Variants in AKAP9 observed in about 807,000 individuals in gnomAD.
The protein encoded by AKAP9 is A-kinase anchor protein 9.
AKAP9 carries 311 observed loss-of-function variants against 488.5 expected under a neutral mutation model. The ratio of observed to expected loss-of-function variants is 0.64; its 90% CI spans 0.58 to 0.70. The LOEUF (loss-of-function observed/expected upper bound fraction) is 0.70, where lower values mean the gene tolerates loss of function less well. AKAP9 is among the 30% of genes least tolerant of loss of function. The pLI is 0.00. For missense variants in AKAP9, 4,215 were observed against 4,374.5 expected, an observed-to-expected ratio of 0.96 and a Z score of 1.03; for synonymous variants, 1,462 against 1,483.5, an observed-to-expected ratio of 0.99 and a Z score of 0.33.
At position 91,941,037 on chromosome 7, in the gene AKAP9, C is replaced by G; in HGVS notation, c.-63C>G. On this transcript the variant is annotated 5_prime_UTR_variant, in exon 1 of 50. Transcript: ENST00000356239. ...CCGTCCCACCTCCGTCCAAATCGAC[C>G]TTTCCTTTCTATCCCCAACCACCCC... 1.3e-6 allele frequency: 2 copies of G among 1,536,962 alleles called. No homozygotes were observed. The highest frequency in any genetic ancestry group is 1.4e-5 in the African/African-American group (1 of 73,294).
In AKAP9 at chr7:92,000,840, T is replaced by C. The variant is rs1359812106; in HGVS notation, c.931-8T>C. 7 of 1,330,044 alleles carry C rather than the reference T, an allele frequency of 5.3e-6. No homozygotes were observed. Among genetic ancestry groups the C allele is most frequent in the Admixed American group, 6.0e-5 (2 of 33,290 alleles). The allele number at this position is 1,330,044 out of a possible 1,614,324, so 82.4% of individuals were successfully genotyped here. A position where few individuals can be genotyped will look rare whatever the true frequency, so the allele number is the denominator to read the frequency against. ...GCCATTCTTACATTTTCATTTTTTTTCCTAAAGGAACAAGATAAAAAAGTA... is the reference window on the plus strand; with the variant it reads ...GCCATTCTTACATTTTCATTTTTTTCCCTAAAGGAACAAGATAAAAAAGTA... On this transcript the variant is annotated splice_polypyrimidine_tract_variant and splice_region_variant and intron_variant, in intron 7 of 49. Transcript: ENST00000356239.
Position 92,017,037 on chromosome 7 carries a change from A to G in AKAP9, c.3772A>G (p.Thr1258Ala), listed in dbSNP as rs752092340. ...EVQDFQENMH[T>A]LLNKVTEEYN... Reference sequence around the variant, plus strand: ...TCCAGACTTTCAAGAAAATATGCACACTCTTCTCAACAAAGTAACAGAAGA... The same window carrying G: ...TCCAGACTTTCAAGAAAATATGCACGCTCTTCTCAACAAAGTAACAGAAGA... The change falls in exon 12 of 50, where the codon ACT (threonine) becomes GCT (alanine). Residue 1258 changes from threonine to alanine, a missense_variant. By Grantham distance (58) the Thr-to-Ala change is moderately conservative. Around this residue, in one of 5 missense-constraint regions of AKAP9, gnomAD observed 2,361 missense variants for 2,430.0 expected, o/e 0.97. Coordinates refer to ENST00000356239, the MANE Select transcript of AKAP9 (RefSeq NM_005751.5). The G allele has an allele frequency of 3.2e-6, 5 of 1,586,484 alleles. No homozygotes were observed. The African/African-American group carries it at 6.7e-5, about 21-fold the overall frequency.
At chr7:92,022,461 G>C (rs1209176564) in intron 13 of AKAP9, 109 bp downstream of exon 13, 1 of 776,598 alleles carries the variant, frequency 1.3e-6, no homozygotes, top group Non-Finnish European at 2.2e-6. Flanking sequence ...GCATTTCACT[G>C]TAGCCTCTCT....
intron 14 of AKAP9, among the ~76,000 whole-genome samples, chr7:92,028,001 C>G (rs925915808): frequency 6.6e-6 from 1 of 151,986 alleles, no homozygotes; most frequent in Non-Finnish European, 1.5e-5. Context: ...CCCCCAACCC[C>G]GTGCTCTCTG....
At position 92,084,711 on chromosome 7, in the gene AKAP9, A is replaced by G. The variant is rs1318715163; in HGVS notation, c.8710+8A>G. 6.2e-7 allele frequency: 1 copy of G among 1,609,820 alleles called. No homozygotes were observed. The highest frequency in any genetic ancestry group is 1.1e-5 in the South Asian group (1 of 90,838). ...GAGAAATATGCTCCAGTGGTAAGTTATATAAATATTTGTAATGTTTGTAGT... is the reference window on the plus strand; with the variant it reads ...GAGAAATATGCTCCAGTGGTAAGTTGTATAAATATTTGTAATGTTTGTAGT... On this transcript the variant is annotated splice_region_variant and intron_variant, in intron 34 of 49. Transcript: ENST00000356239.
chr7:92,020,048 C>A (rs1459802149), intron 12 of AKAP9, among the ~76,000 whole-genome samples: 3 of 151,788 alleles, frequency 2.0e-5, no homozygotes, highest in Admixed American at 6.6e-5. Context: ...TAGATAAATA[C>A]GTTTACTTAA....
At chr7:92,039,536 G>A (rs1375949968) in intron 17 of AKAP9, among the ~76,000 whole-genome samples, 1 of 152,138 alleles carries the variant, frequency 6.6e-6, no homozygotes, top group Non-Finnish European at 1.5e-5. Context: ...ATTAATAGAA[G>A]ATCCATTCTG....
At position 92,084,649 on chromosome 7, in the gene AKAP9, A is replaced by C. The variant is rs143283097; in HGVS notation, c.8656A>C (p.Ile2886Leu). The C allele has an allele frequency of 5.0e-6, 8 of 1,608,984 alleles. No individual in the cohort carries two copies. The South Asian group carries it at 8.8e-5, about 18-fold the overall frequency. Residue 2886 changes from isoleucine (I) to leucine (L), a missense_variant, in exon 34 of 50, where the codon ATT (isoleucine) becomes CTT (leucine). Transcript: ENST00000356239. ...QCLRSKEGSS[I>L]PELAHSDAYQ... ...TGTTTTCTCTAATTAGGGATCCTCAATTCCTGAGCTAGCACATTCTGATGC... is the reference window on the plus strand; with the variant it reads ...TGTTTTCTCTAATTAGGGATCCTCACTTCCTGAGCTAGCACATTCTGATGC...
Position 92,062,425 on chromosome 7 carries a change from AAGAG to A in AKAP9, c.5918_5921del (p.Arg1973AsnfsTer10), listed in dbSNP as rs747144455. On this transcript the variant is annotated frameshift_variant, in exon 24 of 50. Coordinates refer to ENST00000356239, the MANE Select transcript of AKAP9 (RefSeq NM_005751.5). LOFTEE classifies it high-confidence loss of function. ...CAGAGCAACAGCAGATCCAAGAAGA[AAGAG>A]AATTACTGTCCAGACAAAAGGAAGC... is the stretch of plus-strand genomic sequence containing the variant. The A allele has an allele frequency of 1.2e-6, 2 of 1,613,882 alleles. No individual in the cohort carries two copies. Among genetic ancestry groups the A allele is most frequent in the African/African-American group, 2.7e-5 (2 of 75,022 alleles).
rs754301443 is a variant in AKAP9, at chr7:92,099,601, G to T, written c.10714-86G>T. ...ACTCAAGCACCAATTCATGAATTCT[G>T]TTGTTCTCGGTGCCTATTCACACTT... On this transcript the variant is annotated intron_variant, in intron 43 of 49. Transcript: ENST00000356239. 1.7e-5 allele frequency: 22 copies of T among 1,260,724 alleles called. No homozygotes were observed. In the East Asian group the frequency reaches 4.9e-4, roughly 28 times the overall value. 78.1% of individuals were successfully genotyped at this position (1,260,724 alleles called of 1,614,324 possible). A position where few individuals can be genotyped will look rare whatever the true frequency, so the allele number is the denominator to read the frequency against.
chr7:91,948,520 A>G (rs1462739039), intron 1 of AKAP9, among the ~76,000 whole-genome samples: 4 of 149,450 alleles, frequency 2.7e-5, no homozygotes, highest in Admixed American at 6.6e-5. Context: ...AGTGGTTTCT[A>G]ATTGTGGTTT....
At position 92,001,369 on chromosome 7, in the gene AKAP9, T is replaced by C; in HGVS notation, c.1452T>C (p.Asn484=). The C allele has an allele frequency of 6.2e-7, 1 of 1,613,826 alleles. No homozygotes were observed. The highest frequency in any genetic ancestry group is 1.1e-5 in the South Asian group (1 of 91,066). ...ALRSYSNITV[N]EDQIKLMNVA... ...GGTCATATTCAAATATTACAGTTAA[T>C]GAAGATCAGATAAAGTTAATGAATG... Residue 484 remains asparagine (N), a synonymous_variant, in exon 8 of 50, where the codon AAT becomes AAC. Transcript: ENST00000356239.
intron 42 of AKAP9, 140 bp downstream of exon 42, chr7:92,097,934 A>T (rs904045025): frequency 3.2e-6 from 3 of 944,802 alleles, no homozygotes; most frequent in Non-Finnish European, 3.4e-6. Context: ...GATATTCTTT[A>T]ACAGAACTCA....
intron 16 of AKAP9, among the ~76,000 whole-genome samples, chr7:92,037,016 T>G (rs1235117871): frequency 6.6e-6 from 1 of 152,194 alleles, no homozygotes; most frequent in East Asian, 1.9e-4. Flanking sequence ...TTTAAGGTGC[T>G]TGAGCTCTGT....
At chr7:91,945,227 T>TG (rs1428217698) in intron 1 of AKAP9, among the ~76,000 whole-genome samples, 2 of 151,236 alleles carry the variant, frequency 1.3e-5, no homozygotes, top group African/African-American at 4.9e-5. Context: ...ACAAAACAGG[T>TG]GGGGCGCAGT....
rs770249406 is a variant in AKAP9, at chr7:92,107,300, A to G, written c.11424A>G (p.Glu3808=). 6.2e-7 allele frequency: 1 copy of G among 1,613,938 alleles called. No homozygotes were observed. Among genetic ancestry groups the G allele is most frequent in the South Asian group, 1.1e-5 (1 of 91,070 alleles). The change falls in exon 48 of 50, where the codon GAA becomes GAG. Residue 3808 remains glutamate, a synonymous_variant. Coordinates refer to ENST00000356239, the MANE Select transcript of AKAP9 (RefSeq NM_005751.5). ...TATTTTGGGTTACTTTAGGTGCAGAAAAGACTGACTCATTTTATCATTCTT... is the reference window on the plus strand; with the variant it reads ...TATTTTGGGTTACTTTAGGTGCAGAGAAGACTGACTCATTTTATCATTCTT... ...RDGFGLNQGA[E]KTDSFYHSSG... is the part of the protein sequence containing the mutation.
chr7:91,980,608 A>G (rs1796293217), intron 3 of AKAP9, among the ~76,000 whole-genome samples: 1 of 140,416 alleles, frequency 7.1e-6, no homozygotes, highest in African/African-American at 2.7e-5. Context: ...TTTCTTAGAC[A>G]TGTGACTGTT....
chr7:91,985,948 A>G (rs762488295), intron 3 of AKAP9, among the ~76,000 whole-genome samples: 36 of 152,088 alleles, frequency 2.4e-4, no homozygotes, highest in Non-Finnish European at 4.7e-4. Context: ...CGCCCAGCCA[A>G]TTCCCCCTTT....
intron 22 of AKAP9, among the ~76,000 whole-genome samples, chr7:92,055,967 T>C (rs1808723391): frequency 6.6e-6 from 1 of 152,020 alleles, no homozygotes; most frequent in Non-Finnish European, 1.5e-5. Context: ...TACAGATTTT[T>C]GTTTTACATG....
Sources: allele counts gnomAD v4.1 joint callset (sites outside exome capture counted in the v4.1 genomes callset), GRCh38; gene constraint gnomAD v4.1.1; regional missense constraint gnomAD v4.1.1; transcripts MANE v1.5; gene names NCBI Gene and HGNC (gene_info 2026-07-23, HGNC 2026-07-21).